The following TRPM3 variants were observed in gnomAD, a reference collection of about 807,000 sequenced individuals.
TRPM3 encodes long transient receptor potential channel 3.
TRPM3 carries 77 observed loss-of-function variants against 181.2 expected under a neutral mutation model. That is an observed-to-expected ratio of 0.42 (90% CI 0.35 to 0.51). The LOEUF is 0.51. TRPM3 is among the 20% of genes least tolerant of loss of function. The pLI is 0.01. For synonymous variants in TRPM3, 745 were observed against 796.4 expected (o/e 0.94, Z 1.09); for missense variants, 1,759 against 2,196.7 (o/e 0.80, Z 3.98).
chr9:70,533,622 A>C lies in TRPM3; in HGVS notation c.*2331T>G, dbSNP rs1363529160. ...TTTTCTTTCTGGAGAGAGAGCCTAGAGTTATCGTAGAGCCTCGTAGGGATT... is the reference window on the plus strand; with the variant it reads ...TTTTCTTTCTGGAGAGAGAGCCTAGCGTTATCGTAGAGCCTCGTAGGGATT... On this transcript the variant is annotated 3_prime_UTR_variant, in exon 26 of 26. Transcript: ENST00000677713. 1.3e-5 allele frequency: 2 copies of C among 152,064 alleles called. No individual in the cohort carries two copies. The highest frequency in any genetic ancestry group is 1.9e-4 in the East Asian group (1 of 5,200). The allele number at this position is 152,064 out of a possible 1,614,324, so 9.4% of individuals were successfully genotyped here.
rs958494569 is a variant in TRPM3 at position 70,786,887 on chromosome 9, C to T, written c.974-2608G>A. ...AAGTTCTAGGACTCTTGGATTCTGT[C>T]GGTGGAATCTTTACTCCAACTCACA... On this transcript the variant is annotated intron_variant, in intron 6 of 25. Transcript: ENST00000677713. Among the ~76,000 whole-genome samples the T allele has an allele frequency of 3.9e-5, 6 of 152,192 alleles. No individual in the cohort carries two copies. In the East Asian group the frequency reaches 5.8e-4, roughly 15 times the overall value.
intron 25 of TRPM3, among the ~76,000 whole-genome samples, chr9:70,542,270 T>C (rs1042431037): frequency 6.6e-6 from 1 of 152,116 alleles, no homozygotes; most frequent in African/African-American, 2.4e-5. Context: ...TATATATGGA[T>C]GATAAAAAAT....
rs1345469252 is a variant in TRPM3, at chr9:70,694,517, T to G, written c.1273-12939A>C. 3.9e-5 allele frequency among the ~76,000 whole-genome samples: 6 copies of G among 152,244 alleles called. No individual in the cohort carries two copies. The South Asian group carries it at 1.0e-3, about 26-fold the overall frequency. Reference sequence around the variant, plus strand: ...TTTTTTTGAGACGGAGTCTTGCTCTTTCACCCAGGCTGGAGCACAGTGGCG... The same window carrying G: ...TTTTTTTGAGACGGAGTCTTGCTCTGTCACCCAGGCTGGAGCACAGTGGCG... On this transcript the variant is annotated intron_variant, in intron 8 of 25. Transcript: ENST00000677713.
intron 8 of TRPM3, among the ~76,000 whole-genome samples, chr9:70,738,843 G>A (rs1158899018): frequency 6.6e-6 from 1 of 152,124 alleles, no homozygotes; most frequent in Non-Finnish European, 1.5e-5. Flanking sequence ...AAGGCTACAT[G>A]AACACCTTTA....
chr9:71,212,451 AT>A (rs1156710067), intron 1 of TRPM3, among the ~76,000 whole-genome samples: 1 of 121,584 alleles, frequency 8.2e-6, no homozygotes, highest in Non-Finnish European at 1.9e-5. Flanking sequence ...TCAGTATTAT[AT>A]GAAAAAAAAG....
chr9:70,654,297 G>C lies in TRPM3; in HGVS notation c.1346-13637C>G, dbSNP rs558144178. Among the ~76,000 whole-genome samples the C allele has an allele frequency of 5.9e-5, 9 of 152,250 alleles. No individual in the cohort carries two copies. The South Asian group carries it at 1.2e-3, about 21-fold the overall frequency. ...GGGCATTTGCTCCTCCCAGCCAAAA[G>C]GTGCCCCTGGGTGACTGGGGGCCTT... On this transcript the variant is annotated intron_variant, in intron 9 of 25. Coordinates refer to ENST00000677713, the MANE Select transcript of TRPM3 (RefSeq NM_001366145.2).
chr9:70,900,212 G>T (rs1318509283), intron 1 of TRPM3, among the ~76,000 whole-genome samples: 2 of 152,032 alleles, frequency 1.3e-5, no homozygotes, highest in Non-Finnish European at 2.9e-5. Context: ...GGTTTAAAAA[G>T]ACTTATTACA....
At chr9:70,838,350 C>T (rs991514713) in intron 5 of TRPM3, among the ~76,000 whole-genome samples, 3 of 151,994 alleles carry the variant, frequency 2.0e-5, no homozygotes, top group African/African-American at 4.8e-5. Context: ...GTCATGAGGG[C>T]GGGGCCCTAT....
intron 1 of TRPM3, among the ~76,000 whole-genome samples, chr9:71,107,128 T>A (rs1250349466): frequency 6.6e-6 from 1 of 152,104 alleles, no homozygotes; most frequent in Non-Finnish European, 1.5e-5. Flanking sequence ...ATCAAAGCAG[T>A]ATACATTATA....
chr9:70,818,694 A>G (rs796352002), intron 6 of TRPM3, among the ~76,000 whole-genome samples: 54 of 152,348 alleles, frequency 3.5e-4, no homozygotes, highest in African/African-American at 1.3e-3. Context: ...GTCTCTTCCC[A>G]TGAAAAACAG....
rs865860761 is a variant in TRPM3, at chr9:71,067,425, C to G, written c.177+53753G>C. Among the ~76,000 whole-genome samples, 35 of 152,102 alleles carry G rather than the reference C, an allele frequency of 2.3e-4. No homozygotes were observed. The Middle Eastern group carries it at 0.02, about 89-fold the overall frequency. On this transcript the variant is annotated intron_variant, in intron 1 of 25. Transcript: ENST00000677713. ...TCATTTGAGAACTCATGTTGAAGTGCAGAAGTTAGCAGGAAAAGACTCCAT... is the reference window on the plus strand; with the variant it reads ...TCATTTGAGAACTCATGTTGAAGTGGAGAAGTTAGCAGGAAAAGACTCCAT...
chr9:71,228,986 T>A (rs539079244), intron 1 of TRPM3, among the ~76,000 whole-genome samples: 1 of 152,110 alleles, frequency 6.6e-6, no homozygotes, highest in South Asian at 2.1e-4. Flanking sequence ...TTGTGTGGAA[T>A]CACTTAAGAC....
chr9:70,897,614 G>A (rs1266215733), intron 1 of TRPM3, among the ~76,000 whole-genome samples: 1 of 152,058 alleles, frequency 6.6e-6, no homozygotes, highest in Non-Finnish European at 1.5e-5. Context: ...TTTCTCAGAG[G>A]CAAATTTCTA....
At chr9:70,915,292 C>A (rs1412909701) in intron 1 of TRPM3, among the ~76,000 whole-genome samples, 1 of 151,696 alleles carries the variant, frequency 6.6e-6, no homozygotes, top group African/African-American at 2.4e-5. Flanking sequence ...AAAAATGCAT[C>A]AGAGTCTTTT....
At chr9:70,806,318 A>T (rs1423203122) in intron 6 of TRPM3, among the ~76,000 whole-genome samples, 1 of 152,110 alleles carries the variant, frequency 6.6e-6, no homozygotes, top group African/African-American at 2.4e-5. Flanking sequence ...TTATTTGGCC[A>T]TTTTAGGGCA....
chr9:70,820,741 C>T (rs1012415585), intron 6 of TRPM3, among the ~76,000 whole-genome samples: 3 of 152,064 alleles, frequency 2.0e-5, no homozygotes, highest in African/African-American at 7.2e-5. Context: ...CCTTTAATCA[C>T]AACTCCATCT....
intron 1 of TRPM3, among the ~76,000 whole-genome samples, chr9:71,269,746 T>C (rs2083650686): frequency 6.6e-6 from 1 of 152,192 alleles, no homozygotes; most frequent in African/African-American, 2.4e-5. Flanking sequence ...ATAAAATATA[T>C]TTTTGCCTGT....
intron 25 of TRPM3, among the ~76,000 whole-genome samples, chr9:70,541,501 C>T (rs2043331098): frequency 8.0e-6 from 1 of 125,308 alleles, no homozygotes. Flanking sequence ...TAGACTGGTT[C>T]CTTTAATCTT....
At chr9:70,537,555 G>A in intron 25 of TRPM3, 150 bp from the exon 26 acceptor site, 1 of 529,864 alleles carries the variant, frequency 1.9e-6, no homozygotes, top group Non-Finnish European at 2.9e-6. Flanking sequence ...GGGGAGGAGA[G>A]AATGACATTG....
Sources: gnomAD v4.1 joint callset for allele counts (sites outside exome capture counted in the v4.1 genomes callset) on GRCh38, gnomAD v4.1.1 for gene constraint, MANE v1.5 for transcripts, NCBI Gene and HGNC (gene_info 2026-07-23, HGNC 2026-07-21) for gene names.